MOB3B: variants seen among roughly 807,000 people sequenced by gnomAD.
MOB3B encodes the protein MOB kinase activator 3B, also known as MOB kinase activator-like 2B.
Under a neutral mutation model 18.7 loss-of-function variants are expected in MOB3B, and 7 were observed. The observed-to-expected ratio is 0.37, with a 90% CI of 0.21 to 0.70. The LOEUF is 0.70. MOB3B is among the 30% of genes least tolerant of loss of function. The probability of loss-of-function intolerance (pLI) is 0.52; values close to 1 mark genes in which losing one functional copy is unlikely to be tolerated. For synonymous variants in MOB3B, 111 were observed against 99.9 expected, an observed-to-expected ratio of 1.11 and a Z score of -0.66; for missense variants, 253 against 281.3, an observed-to-expected ratio of 0.90 and a Z score of 0.72.
chr9:27,382,804 T>A (rs1821597604), intron 2 of MOB3B, among the ~76,000 whole-genome samples: 1 of 151,800 alleles, frequency 6.6e-6, no homozygotes, highest in African/African-American at 2.4e-5. Flanking sequence ...CCCTGAGGGG[T>A]ATGAAACTGC....
At chr9:27,513,065 T>A (rs1820170543) in intron 1 of MOB3B, among the ~76,000 whole-genome samples, 2 of 152,174 alleles carry the variant, frequency 1.3e-5, no homozygotes, top group South Asian at 4.2e-4. Flanking sequence ...GGCCATCCAG[T>A]GAAAGATCAA....
chr9:27,384,262 C>CA lies in MOB3B; in HGVS notation c.419-25027_419-25026insT, dbSNP rs1554646615. The stretch of plus-strand genomic sequence containing the variant: ...CAAGGACTGGGCCTAAGTTCATACA[C>CA]TTTTTTTTTAAACTATAAACTTAAG... On this transcript the variant is annotated intron_variant, in intron 2 of 3. Transcript: ENST00000262244. 2.0e-5 allele frequency among the ~76,000 whole-genome samples: 3 copies of CA among 151,322 alleles called. No individual in the cohort carries two copies. In the East Asian group the frequency reaches 5.8e-4, roughly 29 times the overall value.
intron 2 of MOB3B, among the ~76,000 whole-genome samples, chr9:27,447,222 G>C (rs542444221): frequency 6.6e-6 from 1 of 152,226 alleles, no homozygotes; most frequent in South Asian, 2.1e-4. Flanking sequence ...CAGGGCACTG[G>C]TGGGGAGGGC....
At chr9:27,333,706 A>G (rs949615915) in intron 3 of MOB3B, among the ~76,000 whole-genome samples, 1 of 152,268 alleles carries the variant, frequency 6.6e-6, no homozygotes, top group African/African-American at 2.4e-5. Context: ...ACAGAAGATC[A>G]AAGTAGAATC....
intron 3 of MOB3B, among the ~76,000 whole-genome samples, chr9:27,358,073 A>T (rs1821220835): frequency 1.3e-5 from 2 of 152,008 alleles, no homozygotes; most frequent in South Asian, 2.1e-4. Flanking sequence ...CAAAGAAAAA[A>T]TAAAAATAAT....
At chr9:27,497,663 A>T (rs891430846) in intron 1 of MOB3B, among the ~76,000 whole-genome samples, 8 of 152,252 alleles carry the variant, frequency 5.3e-5, no homozygotes, top group Middle Eastern at 3.4e-3. Context: ...TAATTAAAAT[A>T]TAAAATGTTT....
At chr9:27,401,338 T>C (rs1314944987) in intron 2 of MOB3B, among the ~76,000 whole-genome samples, 4 of 152,180 alleles carry the variant, frequency 2.6e-5, no homozygotes, top group African/African-American at 9.7e-5. Context: ...CTCTGGATCT[T>C]AGTGCAAAAG....
At chr9:27,445,772 T>C (rs1263614931) in intron 2 of MOB3B, among the ~76,000 whole-genome samples, 1 of 152,096 alleles carries the variant, frequency 6.6e-6, no homozygotes, top group East Asian at 1.9e-4. Context: ...GAGGCCCCAC[T>C]GTGCTGTCAC....
chr9:27,493,280 A>T (rs1007993152), intron 1 of MOB3B, among the ~76,000 whole-genome samples: 1 of 152,164 alleles, frequency 6.6e-6, no homozygotes, highest in Non-Finnish European at 1.5e-5. Context: ...GACATTTATT[A>T]GTTCCCCAAA....
intron 3 of MOB3B, among the ~76,000 whole-genome samples, chr9:27,334,090 A>AT (rs1381076334): frequency 6.6e-6 from 1 of 152,158 alleles, no homozygotes; most frequent in Non-Finnish European, 1.5e-5. Flanking sequence ...TCATCATTTC[A>AT]TTTTTGCCTG....
chr9:27,408,617 G>A (rs529236772), intron 2 of MOB3B, among the ~76,000 whole-genome samples: 1 of 152,208 alleles, frequency 6.6e-6, no homozygotes, highest in African/African-American at 2.4e-5. Flanking sequence ...CAATCACTGG[G>A]CATTAATCCT....
intron 3 of MOB3B, among the ~76,000 whole-genome samples, chr9:27,348,713 G>A (rs1821065954): frequency 6.6e-6 from 1 of 152,080 alleles, no homozygotes; most frequent in South Asian, 2.1e-4. Context: ...GTGTGGGCTG[G>A]ACTTAGTAAC....
chr9:27,475,909 C>G (rs1200419986), intron 1 of MOB3B, among the ~76,000 whole-genome samples: 1 of 152,320 alleles, frequency 6.6e-6, no homozygotes, highest in East Asian at 1.9e-4. Context: ...TTCTGCTCCT[C>G]GGCAAACTAT....
intron 2 of MOB3B, among the ~76,000 whole-genome samples, chr9:27,437,731 GT>G (rs1379576104): frequency 6.6e-6 from 1 of 152,184 alleles, no homozygotes; most frequent in Non-Finnish European, 1.5e-5. Context: ...AGAAGCGAGA[GT>G]CATCCACAGG....
At chr9:27,450,261 A>G (rs1010373008) in intron 2 of MOB3B, among the ~76,000 whole-genome samples, 1 of 152,208 alleles carries the variant, frequency 6.6e-6, no homozygotes, top group Non-Finnish European at 1.5e-5. Flanking sequence ...CATTCTGGAC[A>G]TTATGTAAAC....
intron 1 of MOB3B, chr9:27,524,220 G>A: frequency 1.4e-6 from 1 of 732,988 alleles, no homozygotes; most frequent in Non-Finnish European, 1.9e-6. Flanking sequence ...ACTGTGAAAT[G>A]ACGAATGAGA....
At chr9:27,359,300 C>T (rs190277183) in intron 2 of MOB3B, 64 bp from the exon 3 acceptor site, 425 of 1,454,770 alleles carry the variant, frequency 2.9e-4, no homozygotes, top group Non-Finnish European at 3.6e-4. Context: ...CCTCTTTCCT[C>T]TAATATGAAA....
chr9:27,519,336 G>A (rs1157004552), intron 1 of MOB3B, among the ~76,000 whole-genome samples: 1 of 151,904 alleles, frequency 6.6e-6, no homozygotes, highest in Non-Finnish European at 1.5e-5. Flanking sequence ...ATCCATAAAG[G>A]GCTGATAATA....
At chr9:27,352,880 T>G (rs1821126315) in intron 3 of MOB3B, among the ~76,000 whole-genome samples, 1 of 152,206 alleles carries the variant, frequency 6.6e-6, no homozygotes, top group South Asian at 2.1e-4. Context: ...GGATACCTTC[T>G]CAAAGGCTTT....
Sources: allele counts gnomAD v4.1 joint callset (sites outside exome capture counted in the v4.1 genomes callset), GRCh38; gene constraint gnomAD v4.1.1; transcripts MANE v1.5; gene names NCBI Gene and HGNC (gene_info 2026-07-23, HGNC 2026-07-21).